SPECC1L: variants seen among roughly 807,000 people sequenced by gnomAD.
SPECC1L encodes the protein sperm antigen with calponin homology and coiled-coil domains 1 like, also known as cytospin-A.
A neutral mutation model predicts 116.8 loss-of-function variants in SPECC1L; 40 were observed. The observed-to-expected ratio is 0.34, with a 90% CI of 0.27 to 0.45. The LOEUF is 0.45. Ranked by LOEUF, SPECC1L falls within the 20% of genes least tolerant of loss-of-function variation. The pLI is 1.00. For missense variants in SPECC1L, 1,110 were observed against 1,373.6 expected (o/e 0.81, Z 3.03); for synonymous variants, 504 against 500.6 (o/e 1.01, Z -0.09).
At chr22:24,307,512 A>G (rs1037137541) in intron 3 of SPECC1L, among the ~76,000 whole-genome samples, 2 of 151,940 alleles carry the variant, frequency 1.3e-5, no homozygotes, top group East Asian at 3.9e-4. Flanking sequence ...CTTTAAAGGT[A>G]TCTTCATGAA....
chr22:24,392,434 C>T (rs1206067555), intron 14 of SPECC1L, among the ~76,000 whole-genome samples: 3 of 152,188 alleles, frequency 2.0e-5, no homozygotes, highest in African/African-American at 7.2e-5. Flanking sequence ...GATGTGGCCT[C>T]CACAGACAAG....
chr22:24,277,796 T>C (rs1187841937), intron 2 of SPECC1L, among the ~76,000 whole-genome samples: 1 of 152,238 alleles, frequency 6.6e-6, no homozygotes, highest in Non-Finnish European at 1.5e-5. Context: ...CATTTGCGTT[T>C]TTGCCACTTT....
Position 24,386,749 on chromosome 22 carries a change from G to A in SPECC1L, c.3087+17429G>A, listed in dbSNP as rs1265620457. On this transcript the variant is annotated intron_variant, in intron 14 of 16. Transcript: ENST00000314328. ...CTCCCAAGTAGCTGGGACTACAGGC[G>A]CCCGCCACCACACCCGGCTAATTTT... is the stretch of plus-strand genomic sequence containing the variant. Among the ~76,000 whole-genome samples the A allele has an allele frequency of 7.2e-5, 11 of 151,882 alleles. No homozygotes were observed. In the East Asian group the frequency reaches 1.5e-3, roughly 21 times the overall value.
chr22:24,405,168 A>G (rs956184086), intron 14 of SPECC1L, among the ~76,000 whole-genome samples: 1 of 152,212 alleles, frequency 6.6e-6, no homozygotes, highest in Admixed American at 6.5e-5. Flanking sequence ...ATTGTAGAGC[A>G]TGCTTCCTAC....
At chr22:24,355,892 A>G (rs111245926) in intron 11 of SPECC1L, among the ~76,000 whole-genome samples, 2,555 of 151,156 alleles carry the variant, frequency 0.017, 44 homozygotes, top group Non-Finnish European at 0.018. Flanking sequence ...GGGTTTTGAC[A>G]AACACATAGC....
At chr22:24,287,706 G>T (rs2049068516) in intron 2 of SPECC1L, among the ~76,000 whole-genome samples, 1 of 152,238 alleles carries the variant, frequency 6.6e-6, no homozygotes, top group Non-Finnish European at 1.5e-5. Context: ...TCTACCATTT[G>T]CTTCGGGATC....
chr22:24,290,038 T>A (rs552150365), intron 2 of SPECC1L, among the ~76,000 whole-genome samples: 1 of 152,328 alleles, frequency 6.6e-6, no homozygotes, highest in South Asian at 2.1e-4. Flanking sequence ...CACTGCAGCA[T>A]GACTTGGCCT....
At chr22:24,301,540 C>T (rs1190365580) in intron 2 of SPECC1L, among the ~76,000 whole-genome samples, 2 of 152,122 alleles carry the variant, frequency 1.3e-5, no homozygotes, top group African/African-American at 2.4e-5. Context: ...TCATCTAACA[C>T]AAAGCCTATT....
intron 2 of SPECC1L, among the ~76,000 whole-genome samples, chr22:24,278,598 T>A (rs9608275): frequency 4.1e-4 from 63 of 152,304 alleles, no homozygotes; most frequent in African/African-American, 5.8e-4. Flanking sequence ...CAAAAACTTT[T>A]GCATTCTTAG....
chr22:24,402,367 A>G (rs903863742), intron 14 of SPECC1L, among the ~76,000 whole-genome samples: 2 of 152,004 alleles, frequency 1.3e-5, no homozygotes, highest in African/African-American at 4.8e-5. Flanking sequence ...ATATCAATCA[A>G]CAGTCTCGAT....
chr22:24,390,108 T>G (rs531605478), intron 14 of SPECC1L, among the ~76,000 whole-genome samples: 29 of 151,868 alleles, frequency 1.9e-4, no homozygotes, highest in African/African-American at 7.0e-4. Context: ...GGGAATGTTA[T>G]TTCTACTCAT....
chr22:24,363,405 A>G (rs920826110), intron 12 of SPECC1L, 61 bp downstream of exon 12: 31 of 1,416,122 alleles, frequency 2.2e-5, no homozygotes, highest in Middle Eastern at 1.8e-4. Flanking sequence ...GGATCTCACT[A>G]TGTTGCCCAG....
chr22:24,272,119 GC>G, intron 1 of SPECC1L, among the ~76,000 whole-genome samples: 1 of 152,258 alleles, frequency 6.6e-6, no homozygotes, highest in Non-Finnish European at 1.5e-5. Flanking sequence ...GGTGCCTCAT[GC>G]CTGTAATCCC....
At chr22:24,347,434 C>G (rs1037649109) in intron 11 of SPECC1L, among the ~76,000 whole-genome samples, 8 of 152,118 alleles carry the variant, frequency 5.3e-5, no homozygotes, top group African/African-American at 1.9e-4. Context: ...TTCACAGTTC[C>G]TCATGGCATA....
rs556583229 is a variant in SPECC1L, at chr22:24,315,845, A to G, written c.307+2379A>G. ...GTTAGCAGATTTACTTTCTCCTGAG[A>G]TCTCTTTTTTGTCTTGCAGATGGCT... On this transcript the variant is annotated intron_variant, in intron 4 of 16. Transcript: ENST00000314328. Among the ~76,000 whole-genome samples the G allele has an allele frequency of 9.9e-5, 15 of 152,256 alleles. No homozygotes were observed. In the South Asian group the frequency reaches 1.5e-3, roughly 15 times the overall value.
chr22:24,381,469 G>T (rs912263019), intron 14 of SPECC1L, among the ~76,000 whole-genome samples: 1 of 152,192 alleles, frequency 6.6e-6, no homozygotes, highest in South Asian at 2.1e-4. Flanking sequence ...CTGAAGAAAA[G>T]ATTGGATATT....
chr22:24,374,711 A>G (rs1017066281), intron 14 of SPECC1L, among the ~76,000 whole-genome samples: 6 of 151,960 alleles, frequency 3.9e-5, no homozygotes, highest in Non-Finnish European at 7.4e-5. Flanking sequence ...CCAACATGGC[A>G]CATGTATACA....
intron 6 of SPECC1L, among the ~76,000 whole-genome samples, chr22:24,328,575 A>G (rs1216803541): frequency 6.6e-6 from 1 of 152,210 alleles, no homozygotes; most frequent in Non-Finnish European, 1.5e-5. Context: ...GTGAATTTCT[A>G]ACGGTTTTAC....
chr22:24,371,770 G>A (rs1397202759), intron 14 of SPECC1L, among the ~76,000 whole-genome samples: 1 of 152,216 alleles, frequency 6.6e-6, no homozygotes, highest in Non-Finnish European at 1.5e-5. Context: ...CACCCAGGCT[G>A]GACTGCAGTG....
Sources: gnomAD v4.1 joint callset for allele counts (sites outside exome capture counted in the v4.1 genomes callset) on GRCh38, gnomAD v4.1.1 for gene constraint, MANE v1.5 for transcripts, NCBI Gene and HGNC (gene_info 2026-07-23, HGNC 2026-07-21) for gene names.